The following SLC35F5 variants were observed in gnomAD, a reference collection of about 807,000 sequenced individuals.
SLC35F5 encodes solute carrier family 35 member F5, also known as HCV NS5A-transactivated protein 3.
Under a neutral mutation model 68.6 loss-of-function variants are expected in SLC35F5, and 54 were observed. The ratio of observed to expected loss-of-function variants is 0.79; its 90% CI spans 0.63 to 0.99. SLC35F5 has a LOEUF of 0.99. Among genes scored for constraint, SLC35F5 ranks in the 50% least tolerant of loss-of-function variants. SLC35F5 has a pLI of 0.00. For missense variants in SLC35F5, 567 were observed against 626.9 expected (o/e 0.90, Z 1.02); for synonymous variants, 211 against 205.2 (o/e 1.03, Z -0.24).
rs143010470 is a variant in SLC35F5, at chr2:113,753,162, G to GTTTTTTTTTTTTTTTTTTTTTTTTT, written c.273+2002_273+2003insAAAAAAAAAAAAAAAAAAAAAAAAA. 5.5e-4 allele frequency among the ~76,000 whole-genome samples: 28 copies of GTTTTTTTTTTTTTTTTTTTTTTTTT among 50,538 alleles called. 1 individual carries two copies. Among genetic ancestry groups the GTTTTTTTTTTTTTTTTTTTTTTTTT allele is most frequent in the South Asian group, 1.5e-3 (2 of 1,346 alleles). 33.2% of individuals were successfully genotyped at this position (50,538 alleles called of 152,430 possible). ...AATACACACTTTATCTCCAAAGTTT[G>GTTTTTTTTTTTTTTTTTTTTTTTTT]TTTTTCTTTTTTTTTTTTTTTTTTT... is the stretch of plus-strand genomic sequence containing the variant. On this transcript the variant is annotated intron_variant, in intron 3 of 15. Coordinates refer to ENST00000245680, the MANE Select transcript of SLC35F5 (RefSeq NM_025181.5).
At chr2:113,728,563 T>C (rs990964436) in intron 11 of SLC35F5, among the ~76,000 whole-genome samples, 1 of 152,186 alleles carries the variant, frequency 6.6e-6, no homozygotes, top group Non-Finnish European at 1.5e-5. Flanking sequence ...TGTATTTCCT[T>C]CCAACCATCC....
At position 113,755,305 on chromosome 2, in the gene SLC35F5, GTC is replaced by G; in HGVS notation, c.132-1_132del. On this transcript the variant is annotated splice_acceptor_variant and coding_sequence_variant, in exon 3 of 16. Coordinates refer to ENST00000245680, the MANE Select transcript of SLC35F5 (RefSeq NM_025181.5). LOFTEE classifies it high-confidence loss of function. ...ATGACAAATACACACACCATTTGCA[GTC>G]TGTTTTTTAGAAAATACAGATCACA... The G allele has an allele frequency of 1.2e-6, 2 of 1,613,826 alleles. No individual in the cohort carries two copies. The highest frequency in any genetic ancestry group is 1.7e-6 in the Non-Finnish European group (2 of 1,179,840).
intron 11 of SLC35F5, 47 bp downstream of exon 11, chr2:113,729,354 G>T: frequency 2.0e-6 from 2 of 986,678 alleles, no homozygotes; most frequent in South Asian, 1.5e-5. Flanking sequence ...AAAACCCTGT[G>T]TTAATCATTT....
At chr2:113,705,836 T>C (rs990637582), downstream of SLC35F5, among the ~76,000 whole-genome samples, 1 of 152,184 alleles carries the variant, frequency 6.6e-6, no homozygotes, top group East Asian at 1.9e-4. Context: ...CTGAAAAATA[T>C]TTTTCATGTT....
downstream of SLC35F5, chr2:113,703,834 A>G (rs1686741386): frequency 6.6e-6 from 1 of 152,168 alleles, no homozygotes; most frequent in Non-Finnish European, 1.5e-5. Flanking sequence ...ACTCCAGGAG[A>G]AAAATGCTTT....
chr2:113,720,547 C>T (rs575677028), intron 13 of SLC35F5, among the ~76,000 whole-genome samples: 31 of 152,124 alleles, frequency 2.0e-4, no homozygotes, highest in African/African-American at 7.5e-4. Context: ...ACTGAGTCAG[C>T]CTAAGAAGAC....
chr2:113,753,358 G>A (rs994432560), intron 3 of SLC35F5, among the ~76,000 whole-genome samples: 1 of 151,616 alleles, frequency 6.6e-6, no homozygotes, highest in Non-Finnish European at 1.5e-5. Flanking sequence ...TTTGTATTTA[G>A]TAGAGACTGA....
At chr2:113,728,240 T>A (rs1284263554) in intron 11 of SLC35F5, among the ~76,000 whole-genome samples, 1 of 152,236 alleles carries the variant, frequency 6.6e-6, no homozygotes, top group African/African-American at 2.4e-5. Context: ...ATTTTATTTT[T>A]GTTAGTCTTT....
chr2:113,738,516 G>T (rs72833658), intron 7 of SLC35F5, among the ~76,000 whole-genome samples: 1 of 152,070 alleles, frequency 6.6e-6, no homozygotes, highest in Non-Finnish European at 1.5e-5. Context: ...CACTCAGGTT[G>T]TTCCCGTATC....
chr2:113,721,009 T>C (rs571790246), intron 13 of SLC35F5, among the ~76,000 whole-genome samples: 34 of 152,244 alleles, frequency 2.2e-4, no homozygotes, highest in African/African-American at 8.2e-4. Context: ...TTCCTAAATA[T>C]ATCTGAATAT....
intron 7 of SLC35F5, among the ~76,000 whole-genome samples, chr2:113,737,590 C>A (rs1214544844): frequency 6.6e-6 from 1 of 152,230 alleles, no homozygotes; most frequent in Non-Finnish European, 1.5e-5. Flanking sequence ...ACTTCTCTTA[C>A]TATTTTTATA....
At chr2:113,717,927 C>G (rs923400050) in intron 14 of SLC35F5, 77 bp from the exon 15 acceptor site, 1 of 1,015,378 alleles carries the variant, frequency 9.8e-7, no homozygotes, top group East Asian at 2.4e-5. Flanking sequence ...TATTCCATTG[C>G]CTGAAGCTAT....
intron 13 of SLC35F5, among the ~76,000 whole-genome samples, chr2:113,720,745 T>G (rs17631970): frequency 0.12 from 18,023 of 152,222 alleles, 1,108 homozygotes; most frequent in Non-Finnish European, 0.13. Context: ...AATGTAGATA[T>G]AGTTGATAGA....
At chr2:113,728,140 TGTA>T (rs1687740984) in intron 11 of SLC35F5, among the ~76,000 whole-genome samples, 1 of 151,966 alleles carries the variant, frequency 6.6e-6, no homozygotes, top group Non-Finnish European at 1.5e-5. Flanking sequence ...TACAAACACA[TGTA>T]ACCAAACCTG....
intron 7 of SLC35F5, among the ~76,000 whole-genome samples, chr2:113,741,267 C>A (rs1029488952): frequency 6.6e-6 from 1 of 151,596 alleles, no homozygotes; most frequent in African/African-American, 2.4e-5. Context: ...TAGTGGTTGC[C>A]AGGGGCTGGG....
In SLC35F5 at chr2:113,713,959, T is replaced by C. The variant is rs1687085720; in HGVS notation, c.*1259A>G. ...GAGAATTCTTAAAAATCAGATTAGT[T>C]AAGAAATTTTGAAGAGAACTAAACT... On this transcript the variant is annotated 3_prime_UTR_variant, in exon 16 of 16. Transcript: ENST00000245680. 6.6e-6 allele frequency: 1 copy of C among 152,110 alleles called. No individual in the cohort carries two copies. The highest frequency in any genetic ancestry group is 6.6e-5 in the Admixed American group (1 of 15,264). 9.4% of individuals were successfully genotyped at this position (152,110 alleles called of 1,614,324 possible). A position where few individuals can be genotyped will look rare whatever the true frequency, so the allele number is the denominator to read the frequency against.
At chr2:113,704,918 CG>C (rs1421465254), downstream of SLC35F5, 2 of 152,732 alleles carry the variant, frequency 1.3e-5, no homozygotes, top group Non-Finnish European at 2.9e-5. Flanking sequence ...GCAGAGGAGG[CG>C]GGGAGAGTGA....
rs541455185 is a variant in SLC35F5, at chr2:113,714,930, T to C, written c.*288A>G. On this transcript the variant is annotated 3_prime_UTR_variant, in exon 16 of 16. Coordinates refer to ENST00000245680, the MANE Select transcript of SLC35F5 (RefSeq NM_025181.5). The stretch of plus-strand genomic sequence containing the variant: ...TTTATTCCTTGATTAGTTCAAATGA[T>C]TTCAACAGCTGAATTCCTTGAGATG... 4.6e-5 allele frequency: 7 copies of C among 152,746 alleles called. No individual in the cohort carries two copies. Among genetic ancestry groups the C allele is most frequent in the African/African-American group, 1.7e-4 (7 of 41,586 alleles). 9.5% of individuals were successfully genotyped at this position (152,746 alleles called of 1,614,324 possible).
At chr2:113,722,226 C>T (rs749620330) in intron 13 of SLC35F5, among the ~76,000 whole-genome samples, 1 of 152,036 alleles carries the variant, frequency 6.6e-6, no homozygotes, top group Non-Finnish European at 1.5e-5. Context: ...CTGCCTGCCT[C>T]GGCCTCCCAA....
Sources: allele counts gnomAD v4.1 joint callset (sites outside exome capture counted in the v4.1 genomes callset), GRCh38; gene constraint gnomAD v4.1.1; transcripts MANE v1.5; gene names NCBI Gene and HGNC (gene_info 2026-07-23, HGNC 2026-07-21).